Variants in ZNF469 observed in about 807,000 individuals in gnomAD.
ZNF469 encodes zinc finger protein 469.
Under a neutral mutation model 1.0 loss-of-function variants are expected in ZNF469, and 1 was observed. That is an observed-to-expected ratio of 1.00 (90% confidence interval 0.35 to 4.73). The LOEUF is 4.73. Ranked by LOEUF, ZNF469 falls within the 30% of genes most tolerant of loss-of-function variation. ZNF469 has a pLI of 0.16. For missense variants in ZNF469, 6,100 were observed against 5,356.3 expected (o/e 1.14, Z -4.33); for synonymous variants, 2,703 against 2,363.4 (o/e 1.14, Z -4.17).
the ZNF469 span, among the ~76,000 whole-genome samples, chr16:88,367,691 C>T: frequency 1.2e-4 from 18 of 152,314 alleles, no homozygotes; most frequent in South Asian, 3.5e-3. Flanking sequence ...CATTATGCAC[C>T]AGGCCCCGCA....
chr16:88,439,656 C>T lies in ZNF469; in HGVS notation c.*324C>T, dbSNP rs144138294. 1.2e-4 allele frequency: 45 copies of T among 366,632 alleles called. No individual in the cohort carries two copies. Among genetic ancestry groups the T allele is most frequent in the Admixed American group, 7.1e-4 (17 of 23,786 alleles). 22.7% of individuals were successfully genotyped at this position (366,632 alleles called of 1,614,324 possible). On this transcript the variant is annotated 3_prime_UTR_variant, in exon 3 of 3. Transcript: ENST00000565624. The stretch of plus-strand genomic sequence containing the variant: ...CCACACCCCTGCGCCCTGTGGGCAC[C>T]GACACCACAGAAGCCAATGTTTGGA...
chr16:88,397,028 G>T (rs1327661294), intron 1 of ZNF469, among the ~76,000 whole-genome samples: 1 of 151,568 alleles, frequency 6.6e-6, no homozygotes, highest in Non-Finnish European at 1.5e-5. Flanking sequence ...GGGAGGCCGG[G>T]AGGAGACCCT....
chr16:88,308,975 C>A, the ZNF469 span, among the ~76,000 whole-genome samples: 1 of 152,134 alleles, frequency 6.6e-6, no homozygotes, highest in African/African-American at 2.4e-5. Flanking sequence ...GAGGTCCCCC[C>A]AGTGGCCCTG....
the ZNF469 span, among the ~76,000 whole-genome samples, chr16:88,146,569 G>C: frequency 2.6e-5 from 4 of 152,108 alleles, no homozygotes; most frequent in African/African-American, 9.7e-5. Context: ...CTGGTGGCCA[G>C]GGCCCAAAGC....
intron 1 of ZNF469, among the ~76,000 whole-genome samples, chr16:88,409,713 G>A (rs966559456): frequency 4.6e-5 from 7 of 152,208 alleles, no homozygotes; most frequent in South Asian, 2.1e-4. Flanking sequence ...GCAGCTCTGC[G>A]TGAGGAAAAT....
chr16:88,312,644 T>C, the ZNF469 span, among the ~76,000 whole-genome samples: 1 of 152,336 alleles, frequency 6.6e-6, no homozygotes, highest in South Asian at 2.1e-4. Flanking sequence ...TCTTTCATGA[T>C]TTCTTCTAGT....
chr16:88,117,488 CACTG>C, the ZNF469 span, among the ~76,000 whole-genome samples: 1 of 152,118 alleles, frequency 6.6e-6, no homozygotes, highest in East Asian at 1.9e-4. Flanking sequence ...AATACTCAGC[CACTG>C]ACTGCCTAGA....
In ZNF469 at chr16:88,431,972, T is replaced by C. The variant is rs1314911787; in HGVS notation, c.4502T>C (p.Phe1501Ser). The C allele has an allele frequency of 2.6e-6, 4 of 1,549,544 alleles. No individual in the cohort carries two copies. The highest frequency in any genetic ancestry group is 3.5e-6 in the Non-Finnish European group (4 of 1,146,976). ...TVPSDPPYPS[F>S]LLLEEVSPML... ...CCGTCAGATCCACCGTACCCCTCTT[T>C]TTTGCTGCTTGAGGAAGTATCCCCG... The change falls in exon 3 of 3, where the codon TTT (phenylalanine) becomes TCT (serine). Residue 1501 changes from phenylalanine (F) to serine (S), a missense_variant. Coordinates refer to ENST00000565624, the MANE Select transcript of ZNF469 (RefSeq NM_001367624.2).
the ZNF469 span, among the ~76,000 whole-genome samples, chr16:88,151,386 C>T: frequency 2.6e-5 from 4 of 152,338 alleles, no homozygotes; most frequent in East Asian, 7.7e-4. The surrounding 1 kb of genome is among the most constrained non-coding windows in gnomAD (Gnocchi z 5.4). Flanking sequence ...GAGCGCTGGG[C>T]GGCTGCGTGT....
chr16:88,106,165 G>A, the ZNF469 span, among the ~76,000 whole-genome samples: 1 of 152,202 alleles, frequency 6.6e-6, no homozygotes, highest in Non-Finnish European at 1.5e-5. Flanking sequence ...GGGAGACAGT[G>A]TGGCGGGCGC....
At chr16:88,331,581 C>CCACTATCAT in the ZNF469 span, among the ~76,000 whole-genome samples, 1 of 150,554 alleles carries the variant, frequency 6.6e-6, no homozygotes, top group East Asian at 2.0e-4. Context: ...ACCACCACCA[C>CCACTATCAT]CACCACCATC....
the ZNF469 span, among the ~76,000 whole-genome samples, chr16:88,349,133 A>G: frequency 6.6e-6 from 1 of 151,862 alleles, no homozygotes; most frequent in Non-Finnish European, 1.5e-5. Flanking sequence ...AAAAGAAGCA[A>G]GCAGCCACTC....
chr16:88,151,423 C>A, the ZNF469 span, among the ~76,000 whole-genome samples: 4 of 152,232 alleles, frequency 2.6e-5, no homozygotes, highest in Non-Finnish European at 5.9e-5. This position sits in a 1 kb window ranked among gnomAD's most constrained non-coding sequence, Gnocchi z 5.4. Flanking sequence ...CCCGATGGAA[C>A]GGCGGGACAG....
At chr16:88,145,484 G>A in the ZNF469 span, among the ~76,000 whole-genome samples, 2 of 152,238 alleles carry the variant, frequency 1.3e-5, no homozygotes, top group South Asian at 2.1e-4. Flanking sequence ...GTGCTTGGCC[G>A]CTGTTCACCG....
At chr16:88,235,592 C>T in the ZNF469 span, among the ~76,000 whole-genome samples, 3 of 152,372 alleles carry the variant, frequency 2.0e-5, no homozygotes, top group East Asian at 5.8e-4. Flanking sequence ...CCAAAAGAGG[C>T]TCCTTCCTTG....
rs766410344 is a variant in ZNF469, at chr16:88,433,384, G to A, written c.5914G>A (p.Gly1972Arg). 271 of 1,550,218 alleles carry A rather than the reference G, an allele frequency of 1.7e-4. 1 individual carries two copies. Among genetic ancestry groups the A allele is most frequent in the Non-Finnish European group, 7.8e-5 (90 of 1,146,964 alleles). Residue 1972 changes from glycine to arginine, a missense_variant, in exon 3 of 3, where the codon GGA (glycine) becomes AGA (arginine). Transcript: ENST00000565624. ...VQVTTLPAVA[G>R]HQLGLEADGH... ...GGTGACAACTCTCCCTGCAGTGGCCGGACATCAGCTGGGGCTGGAGGCAGA... is the reference window on the plus strand; with the variant it reads ...GGTGACAACTCTCCCTGCAGTGGCCAGACATCAGCTGGGGCTGGAGGCAGA...
chr16:88,113,242 C>G, the ZNF469 span, among the ~76,000 whole-genome samples: 8,966 of 152,188 alleles, frequency 0.059, 504 homozygotes, highest in Admixed American at 0.17. Flanking sequence ...GTCTTGGATT[C>G]CAGACTTTAA....
At chr16:88,208,495 A>C in the ZNF469 span, among the ~76,000 whole-genome samples, 14 of 101,380 alleles carry the variant, frequency 1.4e-4, no homozygotes, top group African/African-American at 5.5e-4. Flanking sequence ...GGAGGGAGAG[A>C]AAGGGAGGGA....
chr16:88,231,424 T>G, the ZNF469 span, among the ~76,000 whole-genome samples: 4 of 152,198 alleles, frequency 2.6e-5, no homozygotes, highest in Non-Finnish European at 5.9e-5. The surrounding 1 kb of genome is among the most constrained non-coding windows in gnomAD (Gnocchi z 4.5). Flanking sequence ...AGGACAGGTG[T>G]GTCAGTGCCA....
Sources: gnomAD v4.1 joint callset for allele counts (sites outside exome capture counted in the v4.1 genomes callset) on GRCh38, gnomAD v4.1.1 for gene constraint, Gnocchi (gnomAD v3.1) non-coding constraint, MANE v1.5 for transcripts, NCBI Gene and HGNC (gene_info 2026-07-23, HGNC 2026-07-21) for gene names.